AK1: variants seen among roughly 807,000 people sequenced by gnomAD.
The protein encoded by AK1 is adenylate kinase isoenzyme 1.
In AK1, 13 loss-of-function variants were observed where a neutral mutation model predicts 23.9. That is an observed-to-expected ratio of 0.54 (90% confidence interval 0.35 to 0.86). AK1 has a LOEUF of 0.86. AK1 is among the 40% of genes least tolerant of loss of function. The pLI is 0.01. For missense variants in AK1, 214 were observed against 255.1 expected (o/e 0.84, Z 1.10); for synonymous variants, 97 against 102.8 (o/e 0.94, Z 0.34).
In AK1 at chr9:127,871,899, T is replaced by C. The variant is rs144171533; in HGVS notation, c.248A>G (p.Lys83Arg). 1.2e-4 allele frequency: 191 copies of C among 1,614,142 alleles called. No homozygotes were observed. The African/African-American group carries it at 2.1e-3, about 18-fold the overall frequency. ...LDMLRDAMVAKVNTSKGFLID... is the reference protein window; with the variant it reads ...LDMLRDAMVARVNTSKGFLID... ...CAGGAAGCCTTTGGAAGTATTGACT[T>C]TGGCCACCATGGCATCCCGGAGCAT... The change falls in exon 5 of 7, where the codon AAA (lysine) becomes AGA (arginine). Residue 83 changes from lysine (K) to arginine (R), a missense_variant. Lys to Arg is a conservative substitution (Grantham distance 26). Coordinates refer to ENST00000644144, the MANE Select transcript of AK1 (RefSeq NM_000476.3). This position sits in a 1 kb window ranked among gnomAD's most constrained non-coding sequence, Gnocchi z 4.4.
chr9:127,873,012 T>C lies in AK1; in HGVS notation c.43+14A>G. The C allele has an allele frequency of 4.3e-6, 7 of 1,614,060 alleles. No individual in the cohort carries two copies. The highest frequency in any genetic ancestry group is 2.2e-5 in the East Asian group (1 of 44,872). ...GAAGACCCTTGCTGCACCACCCGCCTGCCCGCAACTCACCCACCACAAAGA... is the reference window on the plus strand; with the variant it reads ...GAAGACCCTTGCTGCACCACCCGCCCGCCCGCAACTCACCCACCACAAAGA... On this transcript the variant is annotated intron_variant, in intron 3 of 6. Coordinates refer to ENST00000644144, the MANE Select transcript of AK1 (RefSeq NM_000476.3).
At chr9:127,876,880 G>T (rs1481635978) in intron 1 of AK1, among the ~76,000 whole-genome samples, 1 of 152,220 alleles carries the variant, frequency 6.6e-6, no homozygotes, top group South Asian at 2.1e-4. Context: ...GGCCTGTGGG[G>T]CCGAAGCCCA....
Position 127,872,716 on chromosome 9 carries a change from T to C in AK1, c.181A>G (p.Met61Val). The change falls in exon 4 of 7, where the codon ATG becomes GTG. Residue 61 changes from methionine (M) to valine (V), a missense_variant. Transcript: ENST00000644144. ...AGTGGAACCAGCTGCCCCTTCTCCA[T>C]GATTTCCGACAGCTTCTTGCCCCTG... is the stretch of plus-strand genomic sequence containing the variant. ...SARGKKLSEI[M>V]EKGQLVPLET... 1 of 1,614,108 alleles carries C rather than the reference T, an allele frequency of 6.2e-7. No homozygotes were observed.
At position 127,867,112 on chromosome 9, in the gene AK1, G is replaced by A. The variant is rs1352889808; in HGVS notation, c.*896C>T. The A allele has an allele frequency of 2.0e-5, 3 of 148,060 alleles. No homozygotes were observed. Among genetic ancestry groups the A allele is most frequent in the Admixed American group, 6.9e-5 (1 of 14,458 alleles). 9.2% of individuals were successfully genotyped at this position (148,060 alleles called of 1,614,324 possible). A position where few individuals can be genotyped will look rare whatever the true frequency, so the allele number is the denominator to read the frequency against. On this transcript the variant is annotated 3_prime_UTR_variant, in exon 7 of 7. Coordinates refer to ENST00000644144, the MANE Select transcript of AK1 (RefSeq NM_000476.3). ...TGCAAGCTCCACCTCCCGGGTTCAC[G>A]CCATTCTCCTGCCTCAGCCTCATGA...
At chr9:127,874,970 G>A (rs1321484577) in intron 1 of AK1, 8 of 363,160 alleles carry the variant, frequency 2.2e-5, no homozygotes, top group Admixed American at 3.7e-5. Context: ...CATAAACAGC[G>A]GCCACACAAC....
chr9:127,876,766 G>A (rs1050273178), intron 1 of AK1, among the ~76,000 whole-genome samples: 9 of 151,740 alleles, frequency 5.9e-5, no homozygotes, highest in African/African-American at 2.2e-4. Context: ...ACAGAGGACA[G>A]GGGTCTAGGA....
At chr9:127,876,940 A>G (rs1476134729) in intron 1 of AK1, among the ~76,000 whole-genome samples, 1 of 152,238 alleles carries the variant, frequency 6.6e-6, no homozygotes, top group Non-Finnish European at 1.5e-5. Flanking sequence ...AGGCAAGCCC[A>G]GGTCTCCCAG....
chr9:127,870,142 A>G (rs2131395449), intron 5 of AK1, among the ~76,000 whole-genome samples: 1 of 150,922 alleles, frequency 6.6e-6, no homozygotes. Flanking sequence ...CAGGGATGGG[A>G]CCAGGGCTGA....
rs374588499 is a variant in AK1 at position 127,877,413 on chromosome 9, C to G, written c.-33+210G>C. Among the ~76,000 whole-genome samples the G allele has an allele frequency of 6.6e-6, 1 of 152,148 alleles. No individual in the cohort carries two copies. Among genetic ancestry groups the G allele is most frequent in the Non-Finnish European group, 1.5e-5 (1 of 68,008 alleles). On this transcript the variant is annotated intron_variant, in intron 1 of 6. Transcript: ENST00000644144. The surrounding 1 kb of genome is among the most constrained non-coding windows in gnomAD (Gnocchi z 5.2). ...ACACACACAAACACACACGCACACA[C>G]ACGCACGGATCCACAAAGGCACAGG...
intron 2 of AK1, chr9:127,874,364 G>A (rs1037772978): frequency 1.0e-6 from 1 of 985,284 alleles, no homozygotes; most frequent in Admixed American, 6.1e-5. Flanking sequence ...TATAAACCCA[G>A]CATAGGGGGT....
At chr9:127,873,148 C>T (rs1206901635) in intron 2 of AK1, 87 bp from the exon 3 acceptor site, 6 of 1,565,136 alleles carry the variant, frequency 3.8e-6, no homozygotes, top group Non-Finnish European at 5.2e-6. Context: ...CTGTGCTGGG[C>T]CCCAGGCGGA....
upstream of AK1, among the ~76,000 whole-genome samples, chr9:127,879,287 G>A (rs984524896): frequency 1.1e-4 from 17 of 152,214 alleles, no homozygotes; most frequent in African/African-American, 3.9e-4. Context: ...GTTGTTTGTG[G>A]TTAATGGGAC....
chr9:127,870,704 G>T (rs1274362340), intron 5 of AK1, among the ~76,000 whole-genome samples: 1 of 152,112 alleles, frequency 6.6e-6, no homozygotes, highest in Non-Finnish European at 1.5e-5. Flanking sequence ...CTTTCCTGAG[G>T]TCTTGCAGCC....
Position 127,872,774 on chromosome 9 carries a change from G to T in AK1, c.123C>A (p.Asp41Glu). ...KYGYTHLSTG[D>E]LLRSEVSSGS... is the part of the protein sequence containing the mutation. ...CTGAGCTGACCTCGGACCGCAGGAG[G>T]TCCCCGGTGGAGAGGTGGGTGTAGC... The change falls in exon 4 of 7, where the codon GAC becomes GAA. Residue 41 changes from aspartate (D) to glutamate (E), a missense_variant. Transcript: ENST00000644144. 1 of 1,614,158 alleles carries T rather than the reference G, an allele frequency of 6.2e-7. No homozygotes were observed. The highest frequency in any genetic ancestry group is 1.1e-5 in the South Asian group (1 of 91,082).
At chr9:127,873,390 T>A in intron 2 of AK1, 1 of 1,582,824 alleles carries the variant, frequency 6.3e-7, no homozygotes, top group Non-Finnish European at 8.6e-7. Flanking sequence ...CCGGGGCCGG[T>A]CACCTCTGGC....
intron 5 of AK1, chr9:127,869,629 G>A (rs73669435): frequency 1.3e-5 from 2 of 152,386 alleles, no homozygotes; most frequent in African/African-American, 4.8e-5. Flanking sequence ...CCGTAGTTAA[G>A]GATTCAGGGT....
chr9:127,868,346 T>C lies in AK1; in HGVS notation c.491A>G (p.Tyr164Cys), dbSNP rs137853203. 1 of 1,604,376 alleles carries C rather than the reference T, an allele frequency of 6.2e-7. No individual in the cohort carries two copies. Residue 164 changes from tyrosine to cysteine, a missense_variant, in exon 6 of 7, where the codon TAT becomes TGT. By Grantham distance (194) the Tyr-to-Cys change is radical (BLOSUM62 -2). Coordinates refer to ENST00000644144, the MANE Select transcript of AK1 (RefSeq NM_000476.3). This position sits in a 1 kb window ranked among gnomAD's most constrained non-coding sequence, Gnocchi z 4.1. Reference protein sequence around the residue: ...YKATEPVIAFYEKRGIVRKVN... With the variant: ...YKATEPVIAFCEKRGIVRKVN... ...CTTGCGCACAATGCCACGTTTCTCA[T>C]AGAAGGCGATGACAGGTTCTGTGGC...
chr9:127,875,161 G>A (rs1358705618), intron 1 of AK1, among the ~76,000 whole-genome samples: 1 of 152,136 alleles, frequency 6.6e-6, no homozygotes, highest in African/African-American at 2.4e-5. Context: ...GAGGCCTGGG[G>A]TGAAGGAATC....
Position 127,871,791 on chromosome 9 carries a change from C to T in AK1, c.324+32G>A. The T allele has an allele frequency of 6.3e-7, 1 of 1,589,140 alleles. No individual in the cohort carries two copies. Among genetic ancestry groups the T allele is most frequent in the Non-Finnish European group, 8.6e-7 (1 of 1,157,524 alleles). Reference sequence around the variant, plus strand: ...ATGGGAGTCTTATCCTGCCCCAGCCCACCAGGATCCCCACTTGGGTCAGTG... The same window carrying T: ...ATGGGAGTCTTATCCTGCCCCAGCCTACCAGGATCCCCACTTGGGTCAGTG... On this transcript the variant is annotated intron_variant, in intron 5 of 6. Coordinates refer to ENST00000644144, the MANE Select transcript of AK1 (RefSeq NM_000476.3). This position sits in a 1 kb window ranked among gnomAD's most constrained non-coding sequence, Gnocchi z 4.4.
Sources: allele counts gnomAD v4.1 joint callset (sites outside exome capture counted in the v4.1 genomes callset), GRCh38; gene constraint gnomAD v4.1.1; non-coding constraint Gnocchi (gnomAD v3.1); transcripts MANE v1.5; gene names NCBI Gene and HGNC (gene_info 2026-07-23, HGNC 2026-07-21).